SCHIP1: variants seen among roughly 807,000 people sequenced by gnomAD.
SCHIP1 encodes the protein schwannomin-interacting protein 1.
SCHIP1 carries 8 observed loss-of-function variants against 29.7 expected under a neutral mutation model. The observed-to-expected ratio is 0.27, with a 90% CI of 0.16 to 0.49. The LOEUF (loss-of-function observed/expected upper bound fraction) is 0.49, where lower values mean the gene tolerates loss of function less well. Ranked by LOEUF, SCHIP1 falls within the 20% of genes least tolerant of loss-of-function variation. SCHIP1 has a pLI of 0.99. For missense variants in SCHIP1, 193 were observed against 294.6 expected (o/e 0.66, Z 2.52); for synonymous variants, 76 against 94.9 (o/e 0.80, Z 1.16).
At chr3:159,495,414 G>C in the SCHIP1 span, among the ~76,000 whole-genome samples, 2 of 152,126 alleles carry the variant, frequency 1.3e-5, no homozygotes, top group Non-Finnish European at 2.9e-5. Flanking sequence ...CAAAGTCTCA[G>C]GATACAAAAT....
chr3:159,833,367 A>C, the SCHIP1 span, among the ~76,000 whole-genome samples: 2 of 152,060 alleles, frequency 1.3e-5, no homozygotes, highest in African/African-American at 4.8e-5. Context: ...GCCAACAACA[A>C]CATTGGACCA....
At chr3:159,881,644 G>A (rs1488187094) in intron 2 of SCHIP1, among the ~76,000 whole-genome samples, 2 of 152,226 alleles carry the variant, frequency 1.3e-5, no homozygotes, top group Non-Finnish European at 2.9e-5. Flanking sequence ...TGTAGTATAA[G>A]GGAAAGGCCA....
At chr3:159,531,668 T>G in the SCHIP1 span, among the ~76,000 whole-genome samples, 2 of 152,208 alleles carry the variant, frequency 1.3e-5, no homozygotes, top group Non-Finnish European at 2.9e-5. Context: ...AGTCATGCCC[T>G]GAGCTTAAGT....
the SCHIP1 span, among the ~76,000 whole-genome samples, chr3:159,738,774 G>A: frequency 2.0e-5 from 3 of 152,218 alleles, no homozygotes; most frequent in Admixed American, 2.0e-4. Context: ...CGTGTTCAGT[G>A]AGAGAGAGAA....
the SCHIP1 span, among the ~76,000 whole-genome samples, chr3:159,286,657 C>T: frequency 1.3e-5 from 2 of 152,260 alleles, no homozygotes; most frequent in Admixed American, 1.3e-4. Context: ...AAACTGCTTT[C>T]CATAGTGGCT....
At chr3:159,560,330 T>C in the SCHIP1 span, among the ~76,000 whole-genome samples, 1 of 152,224 alleles carries the variant, frequency 6.6e-6, no homozygotes, top group Non-Finnish European at 1.5e-5. Flanking sequence ...TATTGAATTG[T>C]GCTCAGGAAT....
intron 1 of SCHIP1, among the ~76,000 whole-genome samples, chr3:159,846,383 G>A (rs1711842092): frequency 6.6e-6 from 1 of 152,180 alleles, no homozygotes; most frequent in African/African-American, 2.4e-5. Flanking sequence ...ATTCTTGTTG[G>A]AGAAAGTGGT....
chr3:159,519,841 A>G, the SCHIP1 span, among the ~76,000 whole-genome samples: 1 of 142,050 alleles, frequency 7.0e-6, no homozygotes, highest in African/African-American at 2.7e-5. Context: ...GCAGGCCCTC[A>G]AGGCATTATC....
chr3:159,278,291 C>A, the SCHIP1 span, among the ~76,000 whole-genome samples: 63 of 152,212 alleles, frequency 4.1e-4, no homozygotes, highest in East Asian at 9.9e-3. Context: ...GGAAATAAAA[C>A]CCCAGGTAGG....
the SCHIP1 span, among the ~76,000 whole-genome samples, chr3:159,759,992 T>G: frequency 2.0e-5 from 3 of 151,244 alleles, no homozygotes; most frequent in African/African-American, 7.3e-5. Flanking sequence ...TACCCCTATC[T>G]TTAAGTATTA....
At chr3:159,475,296 T>C in the SCHIP1 span, among the ~76,000 whole-genome samples, 1 of 152,126 alleles carries the variant, frequency 6.6e-6, no homozygotes, top group Non-Finnish European at 1.5e-5. Context: ...ACCTTGAAAA[T>C]TATGCTGAAT....
the SCHIP1 span, among the ~76,000 whole-genome samples, chr3:159,706,919 A>G: frequency 6.6e-6 from 1 of 152,166 alleles, no homozygotes; most frequent in Non-Finnish European, 1.5e-5. Flanking sequence ...ACAAACATTT[A>G]TTCAGCACTC....
At chr3:159,626,231 TAG>T in the SCHIP1 span, among the ~76,000 whole-genome samples, 3 of 103,080 alleles carry the variant, frequency 2.9e-5, no homozygotes, top group Admixed American at 2.0e-4. Flanking sequence ...TATATATATC[TAG>T]ATATATCTAT....
the SCHIP1 span, among the ~76,000 whole-genome samples, chr3:159,758,638 C>T: frequency 6.6e-6 from 1 of 152,368 alleles, no homozygotes; most frequent in African/African-American, 2.4e-5. Flanking sequence ...GAGCACATTT[C>T]CTACCAATGG....
the SCHIP1 span, among the ~76,000 whole-genome samples, chr3:159,640,237 C>T: frequency 2.0e-5 from 3 of 152,098 alleles, no homozygotes; most frequent in Non-Finnish European, 2.9e-5. Context: ...TTCCAGCATA[C>T]GGAACATTGA....
chr3:159,780,566 G>A, the SCHIP1 span, among the ~76,000 whole-genome samples: 1 of 152,192 alleles, frequency 6.6e-6, no homozygotes, highest in Non-Finnish European at 1.5e-5. Context: ...CTCCAGTGGT[G>A]AGGAAATAAA....
chr3:159,665,301 G>T, the SCHIP1 span, among the ~76,000 whole-genome samples: 1 of 152,086 alleles, frequency 6.6e-6, no homozygotes, highest in Non-Finnish European at 1.5e-5. Context: ...TTTCAGTGGG[G>T]TCATTTTACC....
chr3:159,785,019 CA>C, the SCHIP1 span, among the ~76,000 whole-genome samples: 2 of 152,186 alleles, frequency 1.3e-5, no homozygotes, highest in Admixed American at 6.5e-5. Context: ...TATCAAAAAA[CA>C]AAACTGTGGA....
At chr3:159,521,531 C>A in the SCHIP1 span, among the ~76,000 whole-genome samples, 1 of 152,216 alleles carries the variant, frequency 6.6e-6, no homozygotes, top group Non-Finnish European at 1.5e-5. Context: ...CAGGGAGTTA[C>A]CTCCAGGTGA....
Sources: allele counts gnomAD v4.1 joint callset (sites outside exome capture counted in the v4.1 genomes callset), GRCh38; gene constraint gnomAD v4.1.1; transcripts MANE v1.5; gene names NCBI Gene and HGNC (gene_info 2026-07-23, HGNC 2026-07-21).